CAMK1D: variants seen among roughly 807,000 people sequenced by gnomAD.
CAMK1D encodes the protein calcium/calmodulin-dependent protein kinase type 1D.
CAMK1D carries 9 observed loss-of-function variants against 47.7 expected under a neutral mutation model. The observed-to-expected ratio is 0.19, with a 90% CI of 0.11 to 0.33. The LOEUF (loss-of-function observed/expected upper bound fraction) is 0.33. Ranked by LOEUF, CAMK1D falls within the 10% of genes least tolerant of loss-of-function variation. The pLI is 1.00. For missense variants in CAMK1D, 291 were observed against 488.7 expected (o/e 0.60, Z 3.81); for synonymous variants, 184 against 184.9 (o/e 0.99, Z 0.04).
chr10:12,611,979 G>A (rs1402870311), intron 2 of CAMK1D, among the ~76,000 whole-genome samples: 3 of 152,160 alleles, frequency 2.0e-5, no homozygotes, highest in African/African-American at 7.2e-5. Context: ...CATTTCTGAG[G>A]CCAGTCCATT....
At chr10:12,588,983 A>G (rs1588665780) in intron 2 of CAMK1D, among the ~76,000 whole-genome samples, 1 of 152,070 alleles carries the variant, frequency 6.6e-6, no homozygotes, top group East Asian at 1.9e-4. Flanking sequence ...ACATACATAC[A>G]TATATATAAA....
intron 1 of CAMK1D, among the ~76,000 whole-genome samples, chr10:12,521,644 A>G (rs763118319): frequency 6.6e-6 from 1 of 151,956 alleles, no homozygotes; most frequent in African/African-American, 2.4e-5. Context: ...ATCCCCGCCA[A>G]TTTTCTGTCT....
intron 6 of CAMK1D, among the ~76,000 whole-genome samples, 166 bp downstream of exon 6, chr10:12,791,399 G>A (rs1028811772): frequency 6.6e-6 from 1 of 152,080 alleles, no homozygotes; most frequent in African/African-American, 2.4e-5. Flanking sequence ...TCACAGTGTT[G>A]CACAACCACC....
chr10:12,400,355 G>A (rs552100827), intron 1 of CAMK1D, among the ~76,000 whole-genome samples: 42 of 152,248 alleles, frequency 2.8e-4, no homozygotes, highest in Non-Finnish European at 4.3e-4. Context: ...TTCTTGCTGC[G>A]TACCTAAAGT....
intron 1 of CAMK1D, among the ~76,000 whole-genome samples, chr10:12,413,472 GT>G (rs1485121980): frequency 6.7e-4 from 1 of 1,500 alleles, no homozygotes; most frequent in Non-Finnish European, 1.6e-3. Flanking sequence ...CTTCTCTGGG[GT>G]GTATGTTTTG....
rs1324511128 is a variant in CAMK1D at position 12,830,234 on chromosome 10, G to A, written c.*1347G>A. On this transcript the variant is annotated 3_prime_UTR_variant, in exon 11 of 11. Transcript: ENST00000619168. ...CATTTCTAATCTTACACTTCACGTG[G>A]CCTCCAACACAAAGTTCTTTCTCCA... 6.6e-6 allele frequency: 1 copy of A among 152,168 alleles called. No individual in the cohort carries two copies. The highest frequency in any genetic ancestry group is 1.5e-5 in the Non-Finnish European group (1 of 68,048). 9.4% of individuals were successfully genotyped at this position (152,168 alleles called of 1,614,324 possible).
chr10:12,719,842 C>A (rs1404269392), intron 3 of CAMK1D, among the ~76,000 whole-genome samples: 4 of 152,204 alleles, frequency 2.6e-5, no homozygotes, highest in African/African-American at 7.2e-5. Flanking sequence ...TTGCTCATCG[C>A]ATCCCAGCCT....
At chr10:12,693,649 CT>C (rs1237168022) in intron 3 of CAMK1D, among the ~76,000 whole-genome samples, 2 of 151,374 alleles carry the variant, frequency 1.3e-5, no homozygotes, top group African/African-American at 2.4e-5. Context: ...AAAAGAAACT[CT>C]GCCTGAGTTT....
intron 2 of CAMK1D, among the ~76,000 whole-genome samples, chr10:12,659,581 A>G (rs926559233): frequency 5.9e-5 from 9 of 152,194 alleles, no homozygotes; most frequent in African/African-American, 1.7e-4. Context: ...TCTCAGCATT[A>G]TTTCCCACAC....
intron 2 of CAMK1D, among the ~76,000 whole-genome samples, chr10:12,604,723 A>G (rs1838399489): frequency 6.6e-6 from 1 of 152,152 alleles, no homozygotes; most frequent in Non-Finnish European, 1.5e-5. Flanking sequence ...TGTCTAAGGT[A>G]TATGATTCCC....
At chr10:12,674,490 A>G (rs1041401313) in intron 3 of CAMK1D, among the ~76,000 whole-genome samples, 3 of 149,700 alleles carry the variant, frequency 2.0e-5, no homozygotes, top group African/African-American at 7.4e-5. Flanking sequence ...TCTAATTGCT[A>G]TTTCAATTCT....
At chr10:12,747,848 AT>A (rs1389429826) in intron 3 of CAMK1D, among the ~76,000 whole-genome samples, 1 of 152,154 alleles carries the variant, frequency 6.6e-6, no homozygotes, top group Non-Finnish European at 1.5e-5. Context: ...AGCAGGAGGG[AT>A]CCCCTCATAT....
chr10:12,653,893 A>G (rs1840048352), intron 2 of CAMK1D, among the ~76,000 whole-genome samples: 1 of 152,150 alleles, frequency 6.6e-6, no homozygotes, highest in South Asian at 2.1e-4. Flanking sequence ...GGGTCCTCCA[A>G]TTTCAGTAGG....
At chr10:12,354,689 C>T (rs1471894562) in intron 1 of CAMK1D, among the ~76,000 whole-genome samples, 5 of 151,932 alleles carry the variant, frequency 3.3e-5, no homozygotes, top group Admixed American at 1.3e-4. Context: ...GGATTACAGA[C>T]GTGAGCCGCC....
chr10:12,608,737 CT>C (rs970036335), intron 2 of CAMK1D, among the ~76,000 whole-genome samples: 5 of 152,246 alleles, frequency 3.3e-5, no homozygotes, highest in African/African-American at 1.2e-4. Context: ...TCTCTTCTAT[CT>C]TTGCTTTTTA....
At chr10:12,802,341 C>T (rs1482808387) in intron 6 of CAMK1D, among the ~76,000 whole-genome samples, 1 of 152,104 alleles carries the variant, frequency 6.6e-6, no homozygotes, top group Non-Finnish European at 1.5e-5. Flanking sequence ...CTGAAAAAGG[C>T]TTCTCCGTCC....
At chr10:12,550,884 G>C (rs1007867334) in intron 1 of CAMK1D, among the ~76,000 whole-genome samples, 16 of 152,236 alleles carry the variant, frequency 1.1e-4, no homozygotes, top group Non-Finnish European at 2.4e-4. Context: ...ACGCTGTCCT[G>C]AAGTTAATTG....
intron 1 of CAMK1D, among the ~76,000 whole-genome samples, chr10:12,539,006 A>G (rs1254801962): frequency 1.3e-5 from 2 of 152,116 alleles, no homozygotes; most frequent in Non-Finnish European, 2.9e-5. Flanking sequence ...TCCTCAAGCA[A>G]TCCTCCTGCC....
At chr10:12,485,041 C>T (rs1057065789) in intron 1 of CAMK1D, among the ~76,000 whole-genome samples, 1 of 152,172 alleles carries the variant, frequency 6.6e-6, no homozygotes, top group African/African-American at 2.4e-5. Context: ...CACAGCCGGA[C>T]AGAGAGGAGG....
Sources: allele counts gnomAD v4.1 joint callset (sites outside exome capture counted in the v4.1 genomes callset), GRCh38; gene constraint gnomAD v4.1.1; transcripts MANE v1.5; gene names NCBI Gene and HGNC (gene_info 2026-07-23, HGNC 2026-07-21).